The following CDHR1 variants were observed in gnomAD, a reference collection of about 807,000 sequenced individuals.
CDHR1 encodes the protein cadherin related family member 1.
Under a neutral mutation model 72.1 loss-of-function variants are expected in CDHR1, and 61 were observed. That is an observed-to-expected ratio of 0.85 (90% CI 0.69 to 1.05). CDHR1 has a LOEUF of 1.05. CDHR1 is among the 50% of genes least tolerant of loss of function. The probability of loss-of-function intolerance (pLI) is 0.00; values close to 1 mark genes in which losing one functional copy is unlikely to be tolerated. For synonymous variants in CDHR1, 470 were observed against 448.1 expected, an observed-to-expected ratio of 1.05 and a Z score of -0.62; for missense variants, 1,186 against 1,115.7, an observed-to-expected ratio of 1.06 and a Z score of -0.90.
intron 8 of CDHR1, among the ~76,000 whole-genome samples, 187 bp from the exon 9 acceptor site, chr10:84,204,340 G>A (rs565048780): frequency 6.6e-6 from 1 of 152,284 alleles, no homozygotes; most frequent in East Asian, 1.9e-4. Context: ...TATCCCTCCA[G>A]CCCTGGAGGC....
At chr10:84,201,700 G>A in intron 6 of CDHR1, 107 bp from the exon 7 acceptor site, 1 of 859,246 alleles carries the variant, frequency 1.2e-6, no homozygotes, top group Non-Finnish European at 1.9e-6. Flanking sequence ...TCAGCCCTGA[G>A]GTCCTGTAAT....
chr10:84,208,925 A>G, intron 12 of CDHR1, 44 bp downstream of exon 12: 1 of 1,593,892 alleles, frequency 6.3e-7, no homozygotes, highest in Non-Finnish European at 8.6e-7. Flanking sequence ...GGAGGGTCCC[A>G]GGAATTCATA....
In CDHR1 at chr10:84,204,688, C is replaced by T. The variant is rs977913396; in HGVS notation, c.862+83C>T. The T allele has an allele frequency of 5.6e-6, 5 of 894,782 alleles. No individual in the cohort carries two copies. In the South Asian group the frequency reaches 6.6e-5, roughly 12 times the overall value. The allele number at this position is 894,782 out of a possible 1,614,324, so 55.4% of individuals were successfully genotyped here. On this transcript the variant is annotated intron_variant, in intron 9 of 16. Coordinates refer to ENST00000623527, the MANE Select transcript of CDHR1 (RefSeq NM_033100.4). ...GTTCCTCAACCTCTCTAGATTCCAG[C>T]TCCCTCACCTGTAGGACCAGGATTA...
At position 84,214,328 on chromosome 10, in the gene CDHR1, G is replaced by A; in HGVS notation, c.2287G>A (p.Ala763Thr). ...GTGGCTCAAGTCCAAGAGCACCAAA[G>A]CCGCTACCAAGTTCATGCTCAAAGA... Reference protein sequence around the residue: ...IEWLKSKSTKAATKFMLKEKP... With the variant: ...IEWLKSKSTKTATKFMLKEKP... The change falls in exon 17 of 17, where the codon GCC becomes ACC. Residue 763 changes from alanine (A) to threonine (T), a missense_variant. Ala to Thr is a moderately conservative substitution (Grantham distance 58). Transcript: ENST00000623527. 1.2e-6 allele frequency: 2 copies of A among 1,614,150 alleles called. No homozygotes were observed. Among genetic ancestry groups the A allele is most frequent in the Non-Finnish European group, 1.7e-6 (2 of 1,180,036 alleles).
intron 9 of CDHR1, 44 bp downstream of exon 9, chr10:84,204,649 G>T: frequency 7.4e-7 from 1 of 1,350,224 alleles, no homozygotes; most frequent in South Asian, 1.2e-5. Context: ...GACTCTCTAG[G>T]TGACCAGAGC....
chr10:84,216,932 T>C lies in CDHR1; in HGVS notation c.*2311T>C. On this transcript the variant is annotated 3_prime_UTR_variant, in exon 17 of 17. Coordinates refer to ENST00000623527, the MANE Select transcript of CDHR1 (RefSeq NM_033100.4). ...CTCTCAGACAGGCGTCCTAAAGACC[T>C]CTAGGCTGGAAGCTTGGGCTTGCAA... is the stretch of plus-strand genomic sequence containing the variant. The C allele has an allele frequency of 2.0e-6, 2 of 985,458 alleles. No individual in the cohort carries two copies. The highest frequency in any genetic ancestry group is 2.4e-6 in the Non-Finnish European group (2 of 829,942). 61.0% of individuals were successfully genotyped at this position (985,458 alleles called of 1,614,324 possible). A position where few individuals can be genotyped will look rare whatever the true frequency, so the allele number is the denominator to read the frequency against.
chr10:84,196,404 A>T, intron 2 of CDHR1, 101 bp from the exon 3 acceptor site: 1 of 1,303,914 alleles, frequency 7.7e-7, no homozygotes, highest in Non-Finnish European at 1.1e-6. Flanking sequence ...TGAGTTGAAT[A>T]GTCACTTTAT....
At chr10:84,196,272 A>G (rs1225398738) in intron 2 of CDHR1, among the ~76,000 whole-genome samples, 2 of 152,180 alleles carry the variant, frequency 1.3e-5, no homozygotes, top group East Asian at 3.8e-4. Flanking sequence ...TATAGATTAC[A>G]ATCTGGAAAG....
In CDHR1 at chr10:84,204,514, C is replaced by T. The variant is rs773423395; in HGVS notation, c.784-13C>T. Reference sequence around the variant, plus strand: ...ATTGCCCATCAGGCAGCGGCTGTTCCTGTTTCCCCGAGGGCTCGGAGGTAC... The same window carrying T: ...ATTGCCCATCAGGCAGCGGCTGTTCTTGTTTCCCCGAGGGCTCGGAGGTAC... On this transcript the variant is annotated splice_polypyrimidine_tract_variant and intron_variant, in intron 8 of 16. Transcript: ENST00000623527. 1.9e-6 allele frequency: 3 copies of T among 1,604,090 alleles called. No homozygotes were observed. Among genetic ancestry groups the T allele is most frequent in the Non-Finnish European group, 2.6e-6 (3 of 1,170,816 alleles).
chr10:84,218,998 T>A (rs1324572783), downstream of CDHR1: 2 of 594,738 alleles, frequency 3.4e-6, no homozygotes, highest in Non-Finnish European at 5.6e-6. Flanking sequence ...ATTACCAGAA[T>A]AACCCTATGA....
At chr10:84,213,799 T>A (rs1842379779) in intron 16 of CDHR1, among the ~76,000 whole-genome samples, 1 of 152,140 alleles carries the variant, frequency 6.6e-6, no homozygotes, top group Non-Finnish European at 1.5e-5. Context: ...GAGTTCTGAA[T>A]CCAAAAGAGG....
chr10:84,195,603 G>A lies in CDHR1; in HGVS notation c.151+14G>A, dbSNP rs777828554. On this transcript the variant is annotated intron_variant, in intron 2 of 16. Coordinates refer to ENST00000623527, the MANE Select transcript of CDHR1 (RefSeq NM_033100.4). ...ACACCCCTGTAGGTGAGTAGCCCTG[G>A]CACCTGCTCCCGATAGGTCTCCCTG... 1.2e-6 allele frequency: 2 copies of A among 1,605,968 alleles called. No homozygotes were observed. Among genetic ancestry groups the A allele is most frequent in the African/African-American group, 1.3e-5 (1 of 74,720 alleles).
chr10:84,201,836 C>T lies in CDHR1; in HGVS notation c.555C>T (p.Arg185=). The change falls in exon 7 of 17, where the codon CGC becomes CGT. Residue 185 remains arginine (R), a synonymous_variant. Coordinates refer to ENST00000623527, the MANE Select transcript of CDHR1 (RefSeq NM_033100.4). ...TGCACTCCCCATTTGCCGTGGACCG[C>T]CACAGCGGTGTGCTGCGCCTCCAGG... ...QNLHSPFAVD[R]HSGVLRLQAG... is the part of the protein sequence containing the mutation. The T allele has an allele frequency of 6.2e-7, 1 of 1,610,514 alleles. No homozygotes were observed. The highest frequency in any genetic ancestry group is 8.5e-7 in the Non-Finnish European group (1 of 1,180,024).
chr10:84,200,831 G>A, intron 6 of CDHR1, 144 bp downstream of exon 6: 2 of 677,838 alleles, frequency 3.0e-6, no homozygotes, highest in South Asian at 1.7e-5. Flanking sequence ...GGCAGGAGGG[G>A]ATGTGAGAGG....
chr10:84,203,144 G>A, intron 8 of CDHR1, 21 bp downstream of exon 8: 1 of 1,614,054 alleles, frequency 6.2e-7, no homozygotes, highest in Non-Finnish European at 8.5e-7. Flanking sequence ...GTCCCCCTCA[G>A]CCAGCGATCC....
At chr10:84,203,854 A>G (rs887520965) in intron 8 of CDHR1, among the ~76,000 whole-genome samples, 10 of 152,172 alleles carry the variant, frequency 6.6e-5, no homozygotes, top group African/African-American at 2.2e-4. Context: ...AGGCCATCCC[A>G]CTGAGGAGCT....
At chr10:84,195,401 G>T in intron 1 of CDHR1, 93 bp from the exon 2 acceptor site, 2 of 1,169,212 alleles carry the variant, frequency 1.7e-6, no homozygotes, top group Non-Finnish European at 2.5e-6. Context: ...CCAGTAGCTG[G>T]GCCTGACGCG....
intron 8 of CDHR1, among the ~76,000 whole-genome samples, chr10:84,204,004 G>A (rs1842178622): frequency 2.0e-5 from 3 of 152,126 alleles, no homozygotes; most frequent in African/African-American, 4.8e-5. Flanking sequence ...GGGACAACAG[G>A]CAGAAGTCAA....
Position 84,216,130 on chromosome 10 carries a change from G to A in CDHR1, c.*1509G>A, listed in dbSNP as rs923499469. The A allele has an allele frequency of 5.1e-6, 5 of 985,328 alleles. No individual in the cohort carries two copies. In the African/African-American group the frequency reaches 5.2e-5, roughly 10 times the overall value. The allele number at this position is 985,328 out of a possible 1,614,324, so 61.0% of individuals were successfully genotyped here. On this transcript the variant is annotated 3_prime_UTR_variant, in exon 17 of 17. Transcript: ENST00000623527. Reference sequence around the variant, plus strand: ...GAACCTGCTATCAGGAAATCTACATGTGTGCACAGAGAGAGAAAAGTAGAA... The same window carrying A: ...GAACCTGCTATCAGGAAATCTACATATGTGCACAGAGAGAGAAAAGTAGAA...
Sources: gnomAD v4.1 joint callset for allele counts (sites outside exome capture counted in the v4.1 genomes callset) on GRCh38, gnomAD v4.1.1 for gene constraint, MANE v1.5 for transcripts, NCBI Gene and HGNC (gene_info 2026-07-23, HGNC 2026-07-21) for gene names.